MYO1H: variants seen among roughly 807,000 people sequenced by gnomAD.
MYO1H encodes unconventional myosin-Ih.
A neutral mutation model predicts 149.3 loss-of-function variants in MYO1H; 118 were observed. The observed-to-expected ratio is 0.79, with a 90% CI of 0.68 to 0.92. The LOEUF is 0.92. Among genes scored for constraint, MYO1H ranks in the 40% least tolerant of loss-of-function variants. The pLI is 0.00. For synonymous variants in MYO1H, 447 were observed against 465.2 expected, an observed-to-expected ratio of 0.96 and a Z score of 0.50; for missense variants, 1,212 against 1,280.7, an observed-to-expected ratio of 0.95 and a Z score of 0.82.
intron 1 of MYO1H, among the ~76,000 whole-genome samples, chr12:109,369,176 C>T (rs554436774): frequency 2.6e-5 from 4 of 152,126 alleles, no homozygotes; most frequent in East Asian, 1.9e-4. Flanking sequence ...TTACTAGAGA[C>T]AGGGTTTCAC....
chr12:109,332,617 G>A, the MYO1H span, among the ~76,000 whole-genome samples: 1 of 152,170 alleles, frequency 6.6e-6, no homozygotes. Context: ...TCGCTCTGTT[G>A]CCCACGCTGG....
chr12:109,412,493 C>A (rs1870716669), intron 14 of MYO1H, among the ~76,000 whole-genome samples: 1 of 152,112 alleles, frequency 6.6e-6, no homozygotes, highest in Admixed American at 6.6e-5. Context: ...TTATATCTTC[C>A]TTTATTCAGT....
chr12:109,357,227 G>C (rs1413451933), intron 1 of MYO1H: 2 of 152,168 alleles, frequency 1.3e-5, no homozygotes, highest in African/African-American at 4.8e-5. Flanking sequence ...GTTTTAAATA[G>C]CATTCTTTTT....
At chr12:109,346,800 G>T (rs1204958266), upstream of MYO1H, among the ~76,000 whole-genome samples, 1 of 152,002 alleles carries the variant, frequency 6.6e-6, no homozygotes, top group Non-Finnish European at 1.5e-5. Context: ...TAAAATATAT[G>T]TCTATAAAAT....
At chr12:109,410,870 G>A (rs969463436) in intron 13 of MYO1H, 102 bp downstream of exon 13, 21 of 762,548 alleles carry the variant, frequency 2.8e-5, no homozygotes, top group Middle Eastern at 4.7e-4. Flanking sequence ...GGCCAGGCAC[G>A]GTGGCTCACG....
At chr12:109,416,404 T>C (rs1159722676) in intron 15 of MYO1H, among the ~76,000 whole-genome samples, 1 of 151,648 alleles carries the variant, frequency 6.6e-6, no homozygotes, top group Non-Finnish European at 1.5e-5. Flanking sequence ...ACATTTTTTA[T>C]AACTGGAATC....
At chr12:109,424,683 G>A (rs1010039453) in intron 16 of MYO1H, 65 bp from the exon 17 acceptor site, 36 of 1,311,920 alleles carry the variant, frequency 2.7e-5, no homozygotes, top group East Asian at 1.2e-4. Context: ...TCTGTGAGCC[G>A]TCCTGACAGC....
the MYO1H span, among the ~76,000 whole-genome samples, chr12:109,314,050 A>G: frequency 6.6e-6 from 1 of 151,430 alleles, no homozygotes; most frequent in Non-Finnish European, 1.5e-5. Context: ...ATGCCTGGCT[A>G]ATTTTTGTAT....
intron 1 of MYO1H, among the ~76,000 whole-genome samples, chr12:109,375,378 C>T (rs1370349502): frequency 6.6e-6 from 1 of 152,134 alleles, no homozygotes; most frequent in Non-Finnish European, 1.5e-5. Context: ...GTCTCAAACT[C>T]ATGGCCTCAA....
In MYO1H at chr12:109,447,062, C is replaced by T. The variant is rs1472502123; in HGVS notation, c.3094-97C>T. ...ACTGGCTTCTCACAGGCCCTCCACA[C>T]CCACCTTGCTAATGGTGACAGTTGA... On this transcript the variant is annotated intron_variant, in intron 31 of 31. Transcript: ENST00000310903. 128 of 1,267,614 alleles carry T rather than the reference C, an allele frequency of 1.0e-4. 2 individuals are homozygous for T. In the Admixed American group the frequency reaches 2.5e-3, roughly 25 times the overall value. 78.5% of individuals were successfully genotyped at this position (1,267,614 alleles called of 1,614,324 possible). A position where few individuals can be genotyped will look rare whatever the true frequency, so the allele number is the denominator to read the frequency against.
intron 4 of MYO1H, among the ~76,000 whole-genome samples, chr12:109,397,499 T>C (rs1281541116): frequency 6.6e-6 from 1 of 152,174 alleles, no homozygotes; most frequent in African/African-American, 2.4e-5. Context: ...ATATTCCTAA[T>C]TGGATTCTAG....
Position 109,443,544 on chromosome 12 carries a change from A to T in MYO1H, c.2719A>T (p.Lys907Ter), listed in dbSNP as rs1566045601. The T allele has an allele frequency of 6.2e-7, 1 of 1,613,786 alleles. No homozygotes were observed. Among genetic ancestry groups the T allele is most frequent in the Non-Finnish European group, 8.5e-7 (1 of 1,179,846 alleles). ...TGTCCCGGTCATTAAATATGACAGA[A>T]AAGGCTTCAAAGCACGGCAGCGGCA... Residue 907 changes from lysine (K) to a stop codon, truncating the protein, a stop_gained, in exon 28 of 32, where the codon AAA (lysine) becomes TAA (stop). Coordinates refer to ENST00000310903, the Ensembl canonical transcript of MYO1H. LOFTEE classifies it high-confidence loss of function.
chr12:109,312,152 TAACTC>T, the MYO1H span, among the ~76,000 whole-genome samples: 4 of 152,220 alleles, frequency 2.6e-5, no homozygotes, highest in African/African-American at 9.6e-5. Flanking sequence ...TTAAGAGTAT[TAACTC>T]ACTTGGCAAG....
chr12:109,417,654 A>G (rs1412992599), intron 15 of MYO1H, among the ~76,000 whole-genome samples: 1 of 151,932 alleles, frequency 6.6e-6, no homozygotes, highest in Non-Finnish European at 1.5e-5. Context: ...CAACCGTATT[A>G]GTGGGTGTGA....
intron 8 of MYO1H, among the ~76,000 whole-genome samples, chr12:109,406,569 C>T (rs552519056): frequency 6.7e-6 from 1 of 150,052 alleles, no homozygotes; most frequent in South Asian, 2.1e-4. Context: ...AGGATCACTT[C>T]AGCCCGGGAG....
At chr12:109,421,535 A>T (rs1332926061) in intron 16 of MYO1H, among the ~76,000 whole-genome samples, 1 of 152,152 alleles carries the variant, frequency 6.6e-6, no homozygotes, top group Non-Finnish European at 1.5e-5. Flanking sequence ...AGAGACCAGT[A>T]TGTGCAAAGG....
chr12:109,396,704 T>C, intron 4 of MYO1H, 122 bp downstream of exon 4: 1 of 785,278 alleles, frequency 1.3e-6, no homozygotes, highest in Non-Finnish European at 1.9e-6. Context: ...GTCACACAGA[T>C]AGTGTCACAG....
chr12:109,381,643 A>T (rs562553335), intron 1 of MYO1H, among the ~76,000 whole-genome samples: 3,835 of 152,038 alleles, frequency 0.025, 62 homozygotes, highest in Middle Eastern at 0.054. Context: ...CGTCTCTACT[A>T]AAAATACAAA....
intron 3 of MYO1H, among the ~76,000 whole-genome samples, chr12:109,394,076 A>G (rs1869790984): frequency 6.6e-6 from 1 of 152,200 alleles, no homozygotes; most frequent in African/African-American, 2.4e-5. Flanking sequence ...GATGGTGATT[A>G]TATTTTTAGT....
Sources: gnomAD v4.1 joint callset for allele counts (sites outside exome capture counted in the v4.1 genomes callset) on GRCh38, gnomAD v4.1.1 for gene constraint, MANE v1.5 for transcripts, NCBI Gene and HGNC (gene_info 2026-07-23, HGNC 2026-07-21) for gene names.